The following FOXP4 variants were observed in gnomAD, a reference collection of about 807,000 sequenced individuals.
The protein encoded by FOXP4 is forkhead box P4, also known as forkhead box protein P4.
A neutral mutation model predicts 82.6 loss-of-function variants in FOXP4; 25 were observed. That is an observed-to-expected ratio of 0.30 (90% CI 0.22 to 0.42). The LOEUF is 0.42. FOXP4 is among the 10% of genes least tolerant of loss of function. FOXP4 has a pLI of 1.00. For synonymous variants in FOXP4, 415 were observed against 388.2 expected (o/e 1.07, Z -0.81); for missense variants, 785 against 900.9 (o/e 0.87, Z 1.65).
chr6:41,579,087 T>G (rs1462968034), intron 3 of FOXP4, among the ~76,000 whole-genome samples: 2 of 152,046 alleles, frequency 1.3e-5, no homozygotes, highest in Non-Finnish European at 2.9e-5. Flanking sequence ...GAGATTCCAG[T>G]GCTCTGACAA....
chr6:41,589,704 G>T (rs1157759080), intron 9 of FOXP4, 67 bp from the exon 10 acceptor site: 12 of 1,509,704 alleles, frequency 7.9e-6, no homozygotes, highest in African/African-American at 1.4e-5. Flanking sequence ...TGGCGGTGGA[G>T]GGGTGGGACA....
intron 2 of FOXP4, among the ~76,000 whole-genome samples, chr6:41,573,058 C>T (rs983362451): frequency 6.6e-6 from 1 of 152,200 alleles, no homozygotes; most frequent in East Asian, 1.9e-4. Context: ...GTGGCCCAAG[C>T]TCTTCGACTT....
At position 41,589,581 on chromosome 6, in the gene FOXP4, C is replaced by T. The variant is rs558869626; in HGVS notation, c.1066-190C>T. 2.0e-5 allele frequency among the ~76,000 whole-genome samples: 3 copies of T among 152,292 alleles called. No individual in the cohort carries two copies. In the South Asian group the frequency reaches 6.2e-4, roughly 32 times the overall value. On this transcript the variant is annotated intron_variant, in intron 9 of 16. Coordinates refer to ENST00000307972, the MANE Select transcript of FOXP4 (RefSeq NM_001012426.2). The stretch of plus-strand genomic sequence containing the variant: ...GGGAGAGGCTTCATGGAGCTGGCAG[C>T]CCTTGAGGGGTAGAGCATTGCTGAG...
At position 41,599,603 on chromosome 6, in the gene FOXP4, G is replaced by A. The variant is rs1315348793; in HGVS notation, c.*667G>A. On this transcript the variant is annotated 3_prime_UTR_variant, in exon 17 of 17. Transcript: ENST00000307972. ...CCAACCTGAGACAGAACCAGGCTGA[G>A]CCAGGCCTCCACCCCCACCCCCGTT... is the stretch of plus-strand genomic sequence containing the variant. 1.3e-5 allele frequency: 2 copies of A among 152,504 alleles called. No individual in the cohort carries two copies. The allele number at this position is 152,504 out of a possible 1,614,324, so 9.4% of individuals were successfully genotyped here.
At chr6:41,559,503 C>T (rs1158119452) in intron 1 of FOXP4, among the ~76,000 whole-genome samples, 1 of 152,150 alleles carries the variant, frequency 6.6e-6, no homozygotes, top group Non-Finnish European at 1.5e-5. Flanking sequence ...AAACAAGTGC[C>T]AGGTTTATCT....
chr6:41,584,863 A>T lies in FOXP4; in HGVS notation c.395A>T (p.Gln132Leu), dbSNP rs769203082. 1.9e-6 allele frequency: 3 copies of T among 1,611,304 alleles called. No individual in the cohort carries two copies. The South Asian group carries it at 3.3e-5, about 18-fold the overall frequency. Residue 132 changes from glutamine to leucine, a missense_variant, in exon 4 of 17, where the codon CAG (glutamine) becomes CTG (leucine). Transcript: ENST00000307972. ...CCCCCGCAGCTGCAGGCCTTGCTCC[A>T]GCAGCAGCAAGCCCTCATGCTCCAG... is the stretch of plus-strand genomic sequence containing the variant. ...LSPPQLQALL[Q>L]QQQALMLQQL...
In FOXP4 at chr6:41,599,244, TCCC is replaced by T. The variant is rs1443005228; in HGVS notation, c.*311_*313del. The T allele has an allele frequency of 4.3e-6, 1 of 231,550 alleles. No homozygotes were observed. The highest frequency in any genetic ancestry group is 5.0e-5 in the Admixed American group (1 of 19,850). The allele number at this position is 231,550 out of a possible 1,614,324, so 14.3% of individuals were successfully genotyped here. A position where few individuals can be genotyped will look rare whatever the true frequency, so the allele number is the denominator to read the frequency against. ...ACCACCAGCAGCAGCAGGGCCCTCC[TCCC>T]CCACCAGCTCTCCCCACAGGGCCCC... On this transcript the variant is annotated 3_prime_UTR_variant, in exon 17 of 17. Coordinates refer to ENST00000307972, the MANE Select transcript of FOXP4 (RefSeq NM_001012426.2).
chr6:41,560,879 T>C (rs997473089), intron 1 of FOXP4, among the ~76,000 whole-genome samples: 1 of 152,100 alleles, frequency 6.6e-6, no homozygotes, highest in African/African-American at 2.4e-5. Flanking sequence ...GCACAAAAGG[T>C]TTCTCCGCAT....
At chr6:41,576,858 C>T (rs1251556437) in intron 2 of FOXP4, among the ~76,000 whole-genome samples, 1 of 152,102 alleles carries the variant, frequency 6.6e-6, no homozygotes, top group African/African-American at 2.4e-5. Flanking sequence ...AGGTTGGAGC[C>T]CTGTGTCAAG....
chr6:41,583,196 G>A (rs1304108091), intron 3 of FOXP4, among the ~76,000 whole-genome samples: 1 of 152,242 alleles, frequency 6.6e-6, no homozygotes, highest in Non-Finnish European at 1.5e-5. Flanking sequence ...AAGCCCAGGG[G>A]CAGGGACAGC....
In FOXP4 at chr6:41,584,899, T is replaced by A. The variant is rs1315669268; in HGVS notation, c.423+8T>A. ...GCCCTCATGCTCCAGCAGGTGAGTC[T>A]GGCCCCAGGGCAGCTGGTCCCTCCT... On this transcript the variant is annotated splice_region_variant and intron_variant, in intron 4 of 16. Transcript: ENST00000307972. The A allele has an allele frequency of 6.2e-7, 1 of 1,606,940 alleles. No homozygotes were observed. Among genetic ancestry groups the A allele is most frequent in the South Asian group, 1.1e-5 (1 of 89,994 alleles).
chr6:41,586,929 T>C, intron 5 of FOXP4, 80 bp from the exon 6 acceptor site: 1 of 1,475,068 alleles, frequency 6.8e-7, no homozygotes, highest in South Asian at 1.4e-5. Context: ...TGGGAGGGGG[T>C]GGCCGCGGGG....
chr6:41,560,485 C>A (rs1167494370), intron 1 of FOXP4, among the ~76,000 whole-genome samples: 1 of 152,240 alleles, frequency 6.6e-6, no homozygotes, highest in East Asian at 1.9e-4. Flanking sequence ...CGTTCCCCAC[C>A]CGTGTCTCCC....
Position 41,598,798 on chromosome 6 carries a change from G to A in FOXP4, c.1905G>A (p.Val635=), listed in dbSNP as rs1422037078. The change falls in exon 17 of 17, where the codon GTG becomes GTA. Residue 635 remains valine, a synonymous_variant. Transcript: ENST00000307972. ...RLSPPQYSHQ[V]QVKEEPAEAE... is the part of the protein sequence containing the mutation. The stretch of plus-strand genomic sequence containing the variant: ...CATACTTTTGCCTCAGCCACCAGGT[G>A]CAGGTGAAGGAGGAGCCAGCAGAGG... 6 of 1,561,416 alleles carry A rather than the reference G, an allele frequency of 3.8e-6. No individual in the cohort carries two copies. The highest frequency in any genetic ancestry group is 5.2e-6 in the Non-Finnish European group (6 of 1,152,988).
chr6:41,575,926 C>T (rs546069544), intron 2 of FOXP4, among the ~76,000 whole-genome samples: 4 of 152,196 alleles, frequency 2.6e-5, no homozygotes, highest in African/African-American at 7.2e-5. Flanking sequence ...CCCTACTCTA[C>T]CTCCACCTTT....
chr6:41,587,254 CGAGT>C, intron 6 of FOXP4, 41 bp from the exon 7 acceptor site: 1 of 1,609,008 alleles, frequency 6.2e-7, no homozygotes. Context: ...GGTAGAAAGC[CGAGT>C]GTTCGTGGGG....
At chr6:41,575,822 T>C (rs575677275) in intron 2 of FOXP4, among the ~76,000 whole-genome samples, 10 of 149,974 alleles carry the variant, frequency 6.7e-5, no homozygotes, top group African/African-American at 2.5e-4. Context: ...CCCCAACCAG[T>C]GTCCCTTTTG....
chr6:41,548,772 A>G (rs1427055626), intron 1 of FOXP4, among the ~76,000 whole-genome samples: 1 of 151,010 alleles, frequency 6.6e-6, no homozygotes, highest in African/African-American at 2.4e-5. Flanking sequence ...CCACGGCCTC[A>G]GAAAACCTCT....
intron 13 of FOXP4, among the ~76,000 whole-genome samples, 154 bp from the exon 14 acceptor site, chr6:41,594,716 C>T (rs1029394111): frequency 6.6e-6 from 1 of 152,134 alleles, no homozygotes; most frequent in African/African-American, 2.4e-5. Flanking sequence ...TTCCCTTTGG[C>T]TGGGTCTCCT....
Sources: gnomAD v4.1 joint callset for allele counts (sites outside exome capture counted in the v4.1 genomes callset) on GRCh38, gnomAD v4.1.1 for gene constraint, MANE v1.5 for transcripts, NCBI Gene and HGNC (gene_info 2026-07-23, HGNC 2026-07-21) for gene names.